CLCC1: variants seen among roughly 807,000 people sequenced by gnomAD.
CLCC1 encodes chloride channel CLIC like 1, also known as chloride channel CLIC-like protein 1.
CLCC1 carries 39 observed loss-of-function variants against 63.3 expected under a neutral mutation model. The observed-to-expected ratio is 0.62, with a 90% CI of 0.48 to 0.81. The LOEUF is 0.81. Among genes scored for constraint, CLCC1 ranks in the 30% least tolerant of loss-of-function variants. The pLI is 0.00. For missense variants in CLCC1, 549 were observed against 669.4 expected (o/e 0.82, Z 1.98); for synonymous variants, 217 against 239.8 (o/e 0.90, Z 0.88).
At chr1:108,959,358 GA>G (rs545589378) in intron 2 of CLCC1, among the ~76,000 whole-genome samples, 6,759 of 139,560 alleles carry the variant, frequency 0.048, 148 homozygotes, top group African/African-American at 0.072. Context: ...CAACTCAAAA[GA>G]AAAAAAAAAA....
intron 11 of CLCC1, among the ~76,000 whole-genome samples, chr1:108,936,645 C>T (rs1653053968): frequency 6.6e-6 from 1 of 152,188 alleles, no homozygotes; most frequent in South Asian, 2.1e-4. Context: ...CAGCCAATGA[C>T]ACTGAAGATT....
intron 4 of CLCC1, among the ~76,000 whole-genome samples, chr1:108,949,516 G>C (rs773644501): frequency 1.1e-4 from 16 of 152,230 alleles, no homozygotes; most frequent in Non-Finnish European, 1.8e-4. Context: ...CCCTGTGATA[G>C]GTGACAGAGA....
rs115432750 is a variant in CLCC1 at position 108,931,104 on chromosome 1, A to C, written c.*1443T>G. 2,164 of 357,004 alleles carry C rather than the reference A, an allele frequency of 6.1e-3. 35 individuals carry two copies. The highest frequency in any genetic ancestry group is 0.042 in the African/African-American group (1,989 of 46,994). 22.1% of individuals were successfully genotyped at this position (357,004 alleles called of 1,614,324 possible). On this transcript the variant is annotated 3_prime_UTR_variant, in exon 13 of 13. Coordinates refer to ENST00000369969, the MANE Select transcript of CLCC1 (RefSeq NM_001377458.1). ...TGGGCTGTTTAAAAAAATTATTTAA[A>C]ATGGTCTCTTCTGTTCCATAATACT...
intron 11 of CLCC1, among the ~76,000 whole-genome samples, chr1:108,936,710 T>C (rs765912733): frequency 6.6e-6 from 1 of 152,200 alleles, no homozygotes; most frequent in East Asian, 1.9e-4. Context: ...ATCCAGCTAA[T>C]CCTTTAGGGC....
chr1:108,963,319 C>T (rs1358470020), intron 1 of CLCC1, 42 bp downstream of exon 1: 7 of 681,032 alleles, frequency 1.0e-5, no homozygotes, highest in African/African-American at 3.5e-5. Flanking sequence ...GCGGGTAACC[C>T]GCCCCACCCG....
intron 7 of CLCC1, among the ~76,000 whole-genome samples, chr1:108,942,851 G>A (rs1200687672): frequency 6.6e-6 from 1 of 151,962 alleles, no homozygotes; most frequent in African/African-American, 2.4e-5. Context: ...CAAAGACATA[G>A]AATGACATAC....
chr1:108,931,515 T>C lies in CLCC1; in HGVS notation c.*1032A>G, dbSNP rs1281047551. On this transcript the variant is annotated 3_prime_UTR_variant, in exon 13 of 13. Coordinates refer to ENST00000369969, the MANE Select transcript of CLCC1 (RefSeq NM_001377458.1). ...GATGGGATCTGGGGATGTGGACCCCTATTCTTTCAAAAAGTCATTCAGGTG... is the reference window on the plus strand; with the variant it reads ...GATGGGATCTGGGGATGTGGACCCCCATTCTTTCAAAAAGTCATTCAGGTG... 10 of 1,535,620 alleles carry C rather than the reference T, an allele frequency of 6.5e-6. No homozygotes were observed. Among genetic ancestry groups the C allele is most frequent in the Non-Finnish European group, 8.8e-6 (10 of 1,139,266 alleles).
At chr1:108,945,292 AC>A (rs1654394852) in intron 5 of CLCC1, among the ~76,000 whole-genome samples, 1 of 152,278 alleles carries the variant, frequency 6.6e-6, no homozygotes, top group African/African-American at 2.4e-5. Context: ...GTTTTAAACA[AC>A]GAAATGATGC....
chr1:108,937,724 A>G (rs1302907719), intron 10 of CLCC1, among the ~76,000 whole-genome samples: 2 of 152,256 alleles, frequency 1.3e-5, no homozygotes, highest in Admixed American at 1.3e-4. Flanking sequence ...CTAGTCTGAT[A>G]ATTATTCATG....
At chr1:108,937,041 T>C in intron 11 of CLCC1, 36 bp downstream of exon 11, 3 of 1,402,240 alleles carry the variant, frequency 2.1e-6, no homozygotes, top group South Asian at 3.4e-5. Flanking sequence ...GAACCAGTAA[T>C]GAAGGGACAG....
chr1:108,951,082 G>A (rs958258762), intron 2 of CLCC1, among the ~76,000 whole-genome samples: 18 of 152,020 alleles, frequency 1.2e-4, no homozygotes, highest in Non-Finnish European at 1.6e-4. Flanking sequence ...CACATTTTTC[G>A]TAATAGCCAA....
Position 108,937,124 on chromosome 1 carries a change from C to T in CLCC1, c.1336G>A (p.Asp446Asn), listed in dbSNP as rs1653133933. 8 of 1,531,434 alleles carry T rather than the reference C, an allele frequency of 5.2e-6. No homozygotes were observed. The highest frequency in any genetic ancestry group is 7.0e-6 in the Non-Finnish European group (8 of 1,141,362). The allele number at this position is 1,531,434 out of a possible 1,614,324, so 94.9% of individuals were successfully genotyped here. A position where few individuals can be genotyped will look rare whatever the true frequency, so the allele number is the denominator to read the frequency against. ...NKSPEVLRAF[D>N]VPDAEAREHP... ...TCTCGTGCCTCTGCGTCTGGTACAT[C>T]AAATGCCCGGAGCACTTCAGGGCTC... Residue 446 changes from aspartate (D) to asparagine (N), a missense_variant, in exon 11 of 13, where the codon GAT becomes AAT. Physicochemically the swap from Asp to Asn is conservative, Grantham distance 23 (BLOSUM62 1). Coordinates refer to ENST00000369969, the MANE Select transcript of CLCC1 (RefSeq NM_001377458.1).
At chr1:108,950,818 T>C (rs781651216) in intron 2 of CLCC1, among the ~76,000 whole-genome samples, 1 of 152,126 alleles carries the variant, frequency 6.6e-6, no homozygotes, top group African/African-American at 2.4e-5. Context: ...CCCAGCCAGA[T>C]TGTTTTGTAA....
intron 2 of CLCC1, among the ~76,000 whole-genome samples, chr1:108,953,228 G>A (rs1655435473): frequency 6.6e-6 from 1 of 152,162 alleles, no homozygotes; most frequent in Non-Finnish European, 1.5e-5. Flanking sequence ...ATCACTCTAG[G>A]CTAAATTAAA....
intron 2 of CLCC1, among the ~76,000 whole-genome samples, chr1:108,959,714 A>T (rs1483825951): frequency 6.6e-6 from 1 of 152,178 alleles, no homozygotes; most frequent in East Asian, 1.9e-4. Context: ...CTCCAAGGGT[A>T]AAGGGGGGAC....
In CLCC1 at chr1:108,950,364, T is replaced by A; in HGVS notation, c.74A>T (p.Asp25Val). 12 of 1,613,192 alleles carry A rather than the reference T, an allele frequency of 7.4e-6. No homozygotes were observed. The highest frequency in any genetic ancestry group is 1.0e-5 in the Non-Finnish European group (12 of 1,179,520). ...AGYAHDDDWIDPTDMLNYDAA... is the reference protein window; with the variant it reads ...AGYAHDDDWIVPTDMLNYDAA... ...ATCATAGTTAAGCATGTCTGTGGGG[T>A]CAATCCAGTCATCATCATGAGCATA... The change falls in exon 3 of 13, where the codon GAC (aspartate) becomes GTC (valine). Residue 25 changes from aspartate to valine, a missense_variant. Coordinates refer to ENST00000369969, the MANE Select transcript of CLCC1 (RefSeq NM_001377458.1).
In CLCC1 at chr1:108,947,626, A is replaced by G; in HGVS notation, c.324T>C (p.Ala108=). Residue 108 remains alanine, a synonymous_variant, in exon 5 of 13, where the codon GCT becomes GCC. Coordinates refer to ENST00000369969, the MANE Select transcript of CLCC1 (RefSeq NM_001377458.1). The part of the protein sequence containing the change: ...RRYLNKILIE[A]GKLGLPDENK... ...AAATACTCACAAGTCCAAGCTTTCC[A>G]GCTTCAATTAAAATCTTATTTAAGT... 1 of 1,607,144 alleles carries G rather than the reference A, an allele frequency of 6.2e-7. No homozygotes were observed. The highest frequency in any genetic ancestry group is 8.5e-7 in the Non-Finnish European group (1 of 1,174,982).
chr1:108,951,157 A>G (rs191689137), intron 2 of CLCC1, among the ~76,000 whole-genome samples: 40 of 152,282 alleles, frequency 2.6e-4, no homozygotes, highest in Admixed American at 2.5e-3. Flanking sequence ...ATGTAATCCC[A>G]GCACTTTGGG....
At chr1:108,952,727 G>A (rs919324340) in intron 2 of CLCC1, among the ~76,000 whole-genome samples, 4 of 151,774 alleles carry the variant, frequency 2.6e-5, no homozygotes, top group African/African-American at 7.3e-5. Flanking sequence ...TTGAACCCAG[G>A]AGGCAGAGGT....
Sources: gnomAD v4.1 joint callset for allele counts (sites outside exome capture counted in the v4.1 genomes callset) on GRCh38, gnomAD v4.1.1 for gene constraint, MANE v1.5 for transcripts, NCBI Gene and HGNC (gene_info 2026-07-23, HGNC 2026-07-21) for gene names.